ARAP2: variants seen among roughly 807,000 people sequenced by gnomAD.
The protein encoded by ARAP2 is arf-GAP with Rho-GAP domain, ANK repeat and PH domain-containing protein 2.
ARAP2 carries 148 observed loss-of-function variants against 194.5 expected under a neutral mutation model. The ratio of observed to expected loss-of-function variants is 0.76; its 90% confidence interval spans 0.67 to 0.87. The LOEUF (loss-of-function observed/expected upper bound fraction) is 0.87. Among genes scored for constraint, ARAP2 ranks in the 40% least tolerant of loss-of-function variants. The pLI, the probability that ARAP2 is intolerant of heterozygous loss-of-function variation, is 0.00. For missense variants in ARAP2, 2,128 were observed against 1,989.7 expected, an observed-to-expected ratio of 1.07 and a Z score of -1.32; for synonymous variants, 695 against 683.5, an observed-to-expected ratio of 1.02 and a Z score of -0.26.
At chr4:36,102,627 A>G (rs1717272074) in intron 27 of ARAP2, among the ~76,000 whole-genome samples, 1 of 152,032 alleles carries the variant, frequency 6.6e-6, no homozygotes, top group Admixed American at 6.6e-5. Flanking sequence ...CAGTTGAACT[A>G]CTTTTCTGTG....
downstream of ARAP2, chr4:36,065,594 G>A (rs1725268842): frequency 4.9e-6 from 1 of 203,648 alleles, no homozygotes; most frequent in Non-Finnish European, 1.1e-5. Flanking sequence ...CAGCTGAAGT[G>A]GCCTGGGTGA....
intron 5 of ARAP2, among the ~76,000 whole-genome samples, chr4:36,044,957 C>T (rs941105463): frequency 5.3e-5 from 8 of 151,858 alleles, no homozygotes; most frequent in African/African-American, 1.9e-4. Context: ...AAGTGCTCAA[C>T]ATCACTAATC....
intron 1 of ARAP2, among the ~76,000 whole-genome samples, chr4:36,234,176 A>G (rs10017861): frequency 0.5 from 76,039 of 152,088 alleles, 21,246 homozygotes; most frequent in African/African-American, 0.76. Flanking sequence ...ATAAGTTGGG[A>G]AGCATCTGTA....
intron 6 of ARAP2, among the ~76,000 whole-genome samples, chr4:36,197,237 C>G (rs933427599): frequency 2.6e-5 from 4 of 152,110 alleles, no homozygotes; most frequent in African/African-American, 9.7e-5. Flanking sequence ...ATCAAACAGA[C>G]TTTGAGATCC....
chr4:36,094,154 T>C (rs1714537654), intron 27 of ARAP2, among the ~76,000 whole-genome samples: 1 of 152,202 alleles, frequency 6.6e-6, no homozygotes, highest in Non-Finnish European at 1.5e-5. Context: ...CTTATTTTTA[T>C]ATGGCCCATG....
chr4:36,093,422 A>G (rs1714295034), intron 27 of ARAP2, among the ~76,000 whole-genome samples: 1 of 152,136 alleles, frequency 6.6e-6, no homozygotes, highest in South Asian at 2.1e-4. Context: ...AACATACTTG[A>G]AAAACTAAAT....
At chr4:36,043,513 T>G (rs369215470) in intron 5 of ARAP2, among the ~76,000 whole-genome samples, 6 of 152,196 alleles carry the variant, frequency 3.9e-5, no homozygotes, top group African/African-American at 1.4e-4. Context: ...ACAGAAAACA[T>G]TTTCTAAATT....
chr4:36,029,429 T>C (rs757057026), intron 5 of ARAP2, among the ~76,000 whole-genome samples: 5 of 152,014 alleles, frequency 3.3e-5, no homozygotes, highest in East Asian at 1.9e-4. Flanking sequence ...CTGTTTCCAA[T>C]TGGTTTCATT....
At chr4:36,101,533 T>C (rs909112785) in intron 27 of ARAP2, among the ~76,000 whole-genome samples, 3 of 151,904 alleles carry the variant, frequency 2.0e-5, no homozygotes, top group African/African-American at 4.8e-5. Context: ...TATATTTAGT[T>C]TATATTCAAT....
At chr4:36,101,197 C>A (rs904252198) in intron 27 of ARAP2, among the ~76,000 whole-genome samples, 17 of 151,920 alleles carry the variant, frequency 1.1e-4, no homozygotes, top group Admixed American at 1.1e-3. Context: ...GTATCCACGA[C>A]AAGCAGGTGG....
chr4:36,157,079 T>C (rs1732741855), intron 15 of ARAP2, among the ~76,000 whole-genome samples: 1 of 152,150 alleles, frequency 6.6e-6, no homozygotes. Context: ...ATAACCACAA[T>C]TGCCAAAAAA....
At chr4:36,124,064 A>C (rs763630018) in intron 22 of ARAP2, among the ~76,000 whole-genome samples, 3 of 151,882 alleles carry the variant, frequency 2.0e-5, no homozygotes, top group Non-Finnish European at 4.4e-5. Context: ...ATGCAATAAG[A>C]AAATCAGTTT....
chr4:36,011,985 T>G (rs1714659346), intron 9 of ARAP2, among the ~76,000 whole-genome samples: 1 of 152,200 alleles, frequency 6.6e-6, no homozygotes, highest in Admixed American at 6.5e-5. Context: ...GTTAGATTTA[T>G]CAATTATTCT....
At chr4:36,101,871 C>G (rs1717029478) in intron 27 of ARAP2, among the ~76,000 whole-genome samples, 1 of 152,012 alleles carries the variant, frequency 6.6e-6, no homozygotes, top group Non-Finnish European at 1.5e-5. Flanking sequence ...CCATCACTAT[C>G]AACCACAATA....
At chr4:36,111,112 T>C (rs1400582389) in intron 26 of ARAP2, among the ~76,000 whole-genome samples, 2 of 152,016 alleles carry the variant, frequency 1.3e-5, no homozygotes, top group South Asian at 2.1e-4. Context: ...ATACTTAAAA[T>C]CTAGCATTCT....
At chr4:36,032,380 C>T (rs181994319) in intron 5 of ARAP2, among the ~76,000 whole-genome samples, 44 of 152,298 alleles carry the variant, frequency 2.9e-4, no homozygotes, top group Non-Finnish European at 5.6e-4. Context: ...TTGTCAAAGC[C>T]ATTCAAAAAC....
chr4:36,191,094 C>T (rs1032736283), intron 7 of ARAP2, among the ~76,000 whole-genome samples: 14 of 152,306 alleles, frequency 9.2e-5, no homozygotes, highest in Admixed American at 8.5e-4. Context: ...TGAGACCAGA[C>T]AGCAGGAATT....
chr4:36,124,980 A>T lies in ARAP2; in HGVS notation c.3641-13T>A. 6.5e-7 allele frequency: 1 copy of T among 1,532,544 alleles called. No homozygotes were observed. The highest frequency in any genetic ancestry group is 1.4e-5 in the African/African-American group (1 of 72,998). The allele number at this position is 1,532,544 out of a possible 1,614,324, so 94.9% of individuals were successfully genotyped here. On this transcript the variant is annotated splice_polypyrimidine_tract_variant and intron_variant, in intron 21 of 32. Transcript: ENST00000303965. ...TCATCTTGCGTATCTGAAGGGGAAA[A>T]AAAAACAATCTTGAGATCTAAACTA...
chr4:36,102,004 T>C (rs1292704787), intron 27 of ARAP2, among the ~76,000 whole-genome samples: 1 of 150,826 alleles, frequency 6.6e-6, no homozygotes, highest in African/African-American at 2.4e-5. Context: ...TTGAAACTTT[T>C]CTGATTGTTC....
Sources: allele counts gnomAD v4.1 joint callset (sites outside exome capture counted in the v4.1 genomes callset), GRCh38; gene constraint gnomAD v4.1.1; transcripts MANE v1.5; gene names NCBI Gene and HGNC (gene_info 2026-07-23, HGNC 2026-07-21).